KAZN: variants seen among roughly 807,000 people sequenced by gnomAD.
KAZN encodes kazrin.
In KAZN, 40 loss-of-function variants were observed where a neutral mutation model predicts 87.4. The ratio of observed to expected loss-of-function variants is 0.46; its 90% CI spans 0.36 to 0.60. The LOEUF is 0.60. Ranked by LOEUF, KAZN falls within the 20% of genes least tolerant of loss-of-function variation. The probability of loss-of-function intolerance (pLI) is 0.00; values close to 1 mark genes in which losing one functional copy is unlikely to be tolerated. For missense variants in KAZN, 898 were observed against 1,073.9 expected (o/e 0.84, Z 2.29); for synonymous variants, 466 against 458.3 (o/e 1.02, Z -0.22).
chr1:14,413,593 G>GA (rs1169921344), intron 2 of KAZN, among the ~76,000 whole-genome samples: 707 of 66,090 alleles, frequency 0.011, 46 homozygotes, highest in East Asian at 0.071. Context: ...CGTCTCAAAA[G>GA]AAAAAAAAAA....
At chr1:14,178,985 C>T (rs745991031) in intron 1 of KAZN, among the ~76,000 whole-genome samples, 1 of 152,166 alleles carries the variant, frequency 6.6e-6, no homozygotes, top group African/African-American at 2.4e-5. Flanking sequence ...ATATTCCACC[C>T]AAATTCCTCC....
chr1:14,974,587 A>T (rs1395560473), intron 2 of KAZN, among the ~76,000 whole-genome samples: 3 of 152,218 alleles, frequency 2.0e-5, no homozygotes, highest in Non-Finnish European at 4.4e-5. Context: ...ATCAACAGAT[A>T]AAAAAATAAA....
At chr1:13,984,809 T>C (rs1188311446) in intron 1 of KAZN, among the ~76,000 whole-genome samples, 1 of 152,244 alleles carries the variant, frequency 6.6e-6, no homozygotes, top group East Asian at 1.9e-4. Context: ...ACCATATACA[T>C]AATTCATGTG....
At chr1:13,902,634 G>A (rs562566992) in intron 1 of KAZN, among the ~76,000 whole-genome samples, 1 of 152,290 alleles carries the variant, frequency 6.6e-6, no homozygotes, top group East Asian at 1.9e-4. Flanking sequence ...GTGTTTGATA[G>A]CTCTGGAGGG....
intron 2 of KAZN, among the ~76,000 whole-genome samples, chr1:14,251,838 G>A (rs544820449): frequency 2.2e-4 from 33 of 151,584 alleles, no homozygotes; most frequent in Middle Eastern, 3.4e-3. Context: ...TTGTAGAGAC[G>A]GGGTCTCACT....
At chr1:14,876,927 TGTATTA>T (rs1652827937) in intron 1 of KAZN, among the ~76,000 whole-genome samples, 1 of 152,260 alleles carries the variant, frequency 6.6e-6, no homozygotes, top group Admixed American at 6.5e-5. Context: ...GAAACCAACT[TGTATTA>T]GTCAGACATT....
chr1:15,016,051 G>A (rs1344441735), intron 2 of KAZN, among the ~76,000 whole-genome samples: 3 of 152,196 alleles, frequency 2.0e-5, no homozygotes, highest in Non-Finnish European at 4.4e-5. Flanking sequence ...TGGTGTTAAG[G>A]TGAAGATCTC....
At chr1:15,095,271 C>A (rs1300894156) in intron 10 of KAZN, among the ~76,000 whole-genome samples, 1 of 152,172 alleles carries the variant, frequency 6.6e-6, no homozygotes, top group African/African-American at 2.4e-5. Flanking sequence ...ACTGGGCCGC[C>A]ATGGTGTCTG....
intron 1 of KAZN, among the ~76,000 whole-genome samples, chr1:14,744,559 G>A (rs2100452195): frequency 6.6e-6 from 1 of 151,840 alleles, no homozygotes; most frequent in African/African-American, 2.4e-5. Context: ...CAAGATCCTG[G>A]TACTCTACAC....
chr1:14,346,734 C>A (rs1464802433), intron 2 of KAZN, among the ~76,000 whole-genome samples: 1 of 152,098 alleles, frequency 6.6e-6, no homozygotes, highest in African/African-American at 2.4e-5. Flanking sequence ...AAGTTGTTCA[C>A]CCTATTAGAT....
chr1:14,877,477 C>T (rs991171827), intron 1 of KAZN, among the ~76,000 whole-genome samples: 1 of 152,166 alleles, frequency 6.6e-6, no homozygotes, highest in African/African-American at 2.4e-5. Flanking sequence ...GGGGTCAGCT[C>T]TGCCCAACCC....
Position 14,759,705 on chromosome 1 carries a change from C to T in KAZN, c.226+160482C>T, listed in dbSNP as rs549125115. On this transcript the variant is annotated intron_variant, in intron 1 of 14. Coordinates refer to ENST00000376030, the MANE Select transcript of KAZN (RefSeq NM_201628.3). ...GTTTGCTAGGAAAGAGCAGAGGATG[C>T]GATCTGGAGTCAGACGGGGATTGGG... is the stretch of plus-strand genomic sequence containing the variant. 4.6e-5 allele frequency among the ~76,000 whole-genome samples: 7 copies of T among 152,190 alleles called. No homozygotes were observed. The East Asian group carries it at 5.8e-4, about 13-fold the overall frequency.
chr1:14,416,169 C>A (rs1664741342), intron 2 of KAZN, among the ~76,000 whole-genome samples: 1 of 152,188 alleles, frequency 6.6e-6, no homozygotes, highest in Non-Finnish European at 1.5e-5. Flanking sequence ...AGCAGTGCCT[C>A]ATTCAGGGAT....
intron 1 of KAZN, among the ~76,000 whole-genome samples, chr1:13,987,026 A>AAAGT (rs140416139): frequency 0.096 from 14,552 of 152,236 alleles, 883 homozygotes; most frequent in South Asian, 0.18. Context: ...TGGAAGAAAG[A>AAAGT]AAGTGTCTTC....
intron 2 of KAZN, among the ~76,000 whole-genome samples, chr1:14,212,688 C>T (rs1332477554): frequency 6.6e-6 from 1 of 152,088 alleles, no homozygotes; most frequent in Non-Finnish European, 1.5e-5. Context: ...TGACAGCCAC[C>T]AGCACCAGTG....
chr1:14,877,275 A>G (rs1203671110), intron 1 of KAZN, among the ~76,000 whole-genome samples: 1 of 152,190 alleles, frequency 6.6e-6, no homozygotes, highest in Non-Finnish European at 1.5e-5. Context: ...GCTGGGGAAG[A>G]TGACCTCAAA....
At chr1:14,157,987 A>G (rs967927301) in intron 1 of KAZN, among the ~76,000 whole-genome samples, 7 of 152,098 alleles carry the variant, frequency 4.6e-5, no homozygotes, top group Non-Finnish European at 7.4e-5. Context: ...TCATGAGCCA[A>G]TCACCTCCCA....
intron 2 of KAZN, among the ~76,000 whole-genome samples, chr1:15,013,763 A>AG (rs1330378495): frequency 2.6e-5 from 4 of 151,152 alleles, no homozygotes; most frequent in Admixed American, 6.6e-5. Flanking sequence ...CAAAAAAAAA[A>AG]AAAGAGAGAG....
intron 1 of KAZN, among the ~76,000 whole-genome samples, chr1:14,025,199 C>G (rs1641017554): frequency 6.6e-6 from 1 of 152,192 alleles, no homozygotes; most frequent in Non-Finnish European, 1.5e-5. Flanking sequence ...GAATATCATG[C>G]ACTTCACTCA....
Sources: gnomAD v4.1 joint callset for allele counts (sites outside exome capture counted in the v4.1 genomes callset) on GRCh38, gnomAD v4.1.1 for gene constraint, MANE v1.5 for transcripts, NCBI Gene and HGNC (gene_info 2026-07-23, HGNC 2026-07-21) for gene names.